Variants in SYNE2 observed in about 807,000 individuals in gnomAD.
SYNE2 encodes the protein nesprin-2.
In SYNE2, 431 loss-of-function variants were observed where a neutral mutation model predicts 856.3. The ratio of observed to expected loss-of-function variants is 0.50; its 90% CI spans 0.47 to 0.55. The LOEUF is 0.55. Among genes scored for constraint, SYNE2 ranks in the 20% least tolerant of loss-of-function variants. The pLI is 0.00. For missense variants in SYNE2, 8,129 were observed against 8,023.2 expected (o/e 1.01, Z -0.50); for synonymous variants, 2,923 against 2,872.3 (o/e 1.02, Z -0.56).
intron 49 of SYNE2, among the ~76,000 whole-genome samples, chr14:64,062,287 A>G (rs962668321): frequency 6.6e-6 from 1 of 152,212 alleles, no homozygotes; most frequent in Non-Finnish European, 1.5e-5. Flanking sequence ...TTTAATTAAT[A>G]GTCTAGTGAG....
At chr14:64,121,099 T>C in intron 68 of SYNE2, 38 bp downstream of exon 68, 1 of 1,613,058 alleles carries the variant, frequency 6.2e-7, no homozygotes, top group Non-Finnish European at 8.5e-7. Context: ...GACTAGAATA[T>C]AACTTTTTAA....
chr14:63,880,869 C>G (rs2094845032), intron 1 of SYNE2, among the ~76,000 whole-genome samples: 1 of 150,094 alleles, frequency 6.7e-6, no homozygotes, highest in African/African-American at 2.5e-5. Flanking sequence ...TTTTTTGAGA[C>G]GGAGTCTTGC....
intron 1 of SYNE2, among the ~76,000 whole-genome samples, chr14:63,825,519 T>A (rs371511897): frequency 1.2e-4 from 18 of 152,216 alleles, no homozygotes; most frequent in African/African-American, 4.1e-4. Flanking sequence ...AATAAACTAA[T>A]TACCAATAGA....
intron 11 of SYNE2, 71 bp from the exon 12 acceptor site, chr14:63,976,492 A>G: frequency 1.3e-6 from 2 of 1,500,218 alleles, no homozygotes; most frequent in Non-Finnish European, 1.8e-6. Context: ...AATCAAACAT[A>G]CTGTATGTGA....
At chr14:64,138,525 C>T (rs2098114068) in intron 79 of SYNE2, among the ~76,000 whole-genome samples, 2 of 152,094 alleles carry the variant, frequency 1.3e-5, no homozygotes, top group South Asian at 4.2e-4. Context: ...TAAGCCACTG[C>T]ACCCAGCTAG....
At chr14:63,890,951 A>G (rs1486514852) in intron 1 of SYNE2, among the ~76,000 whole-genome samples, 1 of 152,208 alleles carries the variant, frequency 6.6e-6, no homozygotes, top group Non-Finnish European at 1.5e-5. Context: ...CCAGTGCCTG[A>G]TATAGTGCCT....
Position 64,146,213 on chromosome 14 carries a change from T to G in SYNE2, c.15629T>G (p.Leu5210Arg). 1.2e-6 allele frequency: 2 copies of G among 1,609,754 alleles called. No homozygotes were observed. Among genetic ancestry groups the G allele is most frequent in the South Asian group, 2.2e-5 (2 of 90,068 alleles). ...ESVISVQKLL[L>R]DCQDIENQLA... The stretch of plus-strand genomic sequence containing the variant: ...GTGATCTCAGTGCAGAAGCTGCTCC[T>G]GGACTGTCAGGTGAGGAGGGGAACA... Residue 5210 changes from leucine (L) to arginine (R), a missense_variant, in exon 84 of 116, where the codon CTG becomes CGG. Leu to Arg is a moderately radical substitution (Grantham distance 102, BLOSUM62 -2). Transcript: ENST00000555002.
Position 64,080,667 on chromosome 14 carries a change from A to G in SYNE2, c.11346+29A>G, listed in dbSNP as rs370328424. 3.0e-5 allele frequency: 48 copies of G among 1,610,894 alleles called. No homozygotes were observed. In the African/African-American group the frequency reaches 4.5e-4, roughly 15 times the overall value. On this transcript the variant is annotated intron_variant, in intron 56 of 115. Transcript: ENST00000555002. ...TGGCTGTGACTCGTAATAGCTTCATATCATGTGGTGGTATTGAGATGGTGT... is the reference window on the plus strand; with the variant it reads ...TGGCTGTGACTCGTAATAGCTTCATGTCATGTGGTGGTATTGAGATGGTGT...
At position 64,167,498 on chromosome 14, in the gene SYNE2, G is replaced by T; in HGVS notation, c.16764G>T (p.Glu5588Asp). 6.2e-7 allele frequency: 1 copy of T among 1,614,222 alleles called. No homozygotes were observed. Among genetic ancestry groups the T allele is most frequent in the African/African-American group, 1.3e-5 (1 of 75,056 alleles). The change falls in exon 92 of 116, where the codon GAG (glutamate) becomes GAT (aspartate). Residue 5588 changes from glutamate (E) to aspartate (D), a missense_variant. Around this residue, in one of 3 missense-constraint regions of SYNE2, gnomAD observed 5,410 missense variants for 5,284.8 expected, o/e 1.02. Coordinates refer to ENST00000555002, the MANE Select transcript of SYNE2 (RefSeq NM_182914.3). ...ATATALERCS[E>D]LQGIGLNEKF... ...GTTTTGTTTTAAACCTTTGTAGTGA[G>T]CTTCAGGGAATTGGATTGAATGAAA... is the stretch of plus-strand genomic sequence containing the variant.
intron 23 of SYNE2, 127 bp from the exon 24 acceptor site, chr14:63,996,820 A>G: frequency 1.1e-6 from 1 of 881,710 alleles, no homozygotes; most frequent in South Asian, 1.4e-5. Flanking sequence ...GCCTATTGTC[A>G]TAGCATGTAG....
intron 61 of SYNE2, chr14:64,095,163 AAG>A (rs1348851445): frequency 5.9e-6 from 1 of 170,364 alleles, no homozygotes; most frequent in African/African-American, 2.4e-5. Flanking sequence ...TGATCTGCTG[AAG>A]CATGTAGTTT....
chr14:63,894,980 A>T (rs890864784), intron 1 of SYNE2, among the ~76,000 whole-genome samples: 1 of 152,204 alleles, frequency 6.6e-6, no homozygotes, highest in Non-Finnish European at 1.5e-5. Context: ...ATGCTTTAGC[A>T]TGTTGTCTAC....
At chr14:64,190,269 AG>A in intron 99 of SYNE2, 32 bp downstream of exon 99, 1 of 1,613,298 alleles carries the variant, frequency 6.2e-7, no homozygotes, top group Non-Finnish European at 8.5e-7. Flanking sequence ...ATTACTCTCC[AG>A]GAACAGTAAT....
In SYNE2 at chr14:64,024,557, A is replaced by G. The variant is rs757064277; in HGVS notation, c.5840+98A>G. On this transcript the variant is annotated intron_variant, in intron 39 of 115. Transcript: ENST00000555002. The stretch of plus-strand genomic sequence containing the variant: ...GAGAGCACTGGGATACGCAGTACAC[A>G]CAAATTTCACACACAAAAGGCGTAC... 254 of 1,148,050 alleles carry G rather than the reference A, an allele frequency of 2.2e-4. 1 individual carries two copies. Among genetic ancestry groups the G allele is most frequent in the Non-Finnish European group, 3.0e-4 (240 of 791,078 alleles). The allele number at this position is 1,148,050 out of a possible 1,614,324, so 71.1% of individuals were successfully genotyped here. A position where few individuals can be genotyped will look rare whatever the true frequency, so the allele number is the denominator to read the frequency against.
chr14:64,149,035 C>A (rs772157830), intron 84 of SYNE2, among the ~76,000 whole-genome samples: 1 of 148,546 alleles, frequency 6.7e-6, no homozygotes, highest in Non-Finnish European at 1.5e-5. Context: ...AGGCCAGGTG[C>A]AGTTGCTCAC....
intron 8 of SYNE2, among the ~76,000 whole-genome samples, chr14:63,955,865 C>T (rs973236059): frequency 6.6e-6 from 1 of 152,144 alleles, no homozygotes; most frequent in African/African-American, 2.4e-5. Flanking sequence ...GTTGTATTTG[C>T]TGAAGAAGTA....
In SYNE2 at chr14:64,170,367, C is replaced by G; in HGVS notation, c.17140C>G (p.Arg5714Gly). ...DFTTSVENLF[R>G]FLTDTSHLLS... ...CACTACTTCTGTGGAGAACTTGTTT[C>G]GCTTCCTCACTGACACCAGCCACCT... Residue 5714 changes from arginine to glycine, a missense_variant, in exon 94 of 116, where the codon CGC becomes GGC. Transcript: ENST00000555002. The G allele has an allele frequency of 1.9e-6, 3 of 1,614,126 alleles. No homozygotes were observed. Among genetic ancestry groups the G allele is most frequent in the Non-Finnish European group, 2.5e-6 (3 of 1,180,020 alleles).
chr14:64,053,680 T>G, intron 48 of SYNE2, 23 bp downstream of exon 48: 1 of 1,610,312 alleles, frequency 6.2e-7, no homozygotes, highest in Non-Finnish European at 8.5e-7. Context: ...AATTATGCAG[T>G]TAGTGGCTGG....
chr14:64,163,333 G>A (rs1595919425), intron 88 of SYNE2, 69 bp from the exon 89 acceptor site: 1 of 1,558,160 alleles, frequency 6.4e-7, no homozygotes, highest in South Asian at 1.1e-5. Flanking sequence ...TTTTGATGGA[G>A]CAGCAGCGGG....
Sources: gnomAD v4.1 joint callset for allele counts (sites outside exome capture counted in the v4.1 genomes callset) on GRCh38, gnomAD v4.1.1 for gene constraint, gnomAD v4.1.1 regional missense constraint, MANE v1.5 for transcripts, NCBI Gene and HGNC (gene_info 2026-07-23, HGNC 2026-07-21) for gene names.